FAM222B: variants seen among roughly 807,000 people sequenced by gnomAD.
FAM222B encodes family with sequence similarity 222 member B.
A neutral mutation model predicts 38.0 loss-of-function variants in FAM222B; 12 were observed. That is an observed-to-expected ratio of 0.32 (90% CI 0.20 to 0.51). The LOEUF (loss-of-function observed/expected upper bound fraction) is 0.51, where lower values mean the gene tolerates loss of function less well. FAM222B is among the 20% of genes least tolerant of loss of function. FAM222B has a pLI of 0.97. For synonymous variants in FAM222B, 329 were observed against 317.2 expected (o/e 1.04, Z -0.40); for missense variants, 716 against 754.2 (o/e 0.95, Z 0.59).
chr17:28,846,323 T>G (rs371222027), upstream of FAM222B, among the ~76,000 whole-genome samples: 3 of 151,318 alleles, frequency 2.0e-5, no homozygotes, highest in African/African-American at 7.3e-5. Context: ...GAGCCTAGAC[T>G]ACACTACACC....
At chr17:28,851,117 T>TCAAAA (rs927515246) in intron 1 of FAM222B, among the ~76,000 whole-genome samples, 16 of 149,716 alleles carry the variant, frequency 1.1e-4, no homozygotes, top group Admixed American at 4.7e-4. Flanking sequence ...AGACTCCATC[T>TCAAAA]CAAAACAAAA....
At position 28,758,905 on chromosome 17, in the gene FAM222B, C is replaced by T. The variant is rs752194762; in HGVS notation, c.1054G>A (p.Val352Ile). Reference sequence around the variant, plus strand: ...AGGTCGCTAGGGTAGCCAGTGGGGACGCGAGAGATGCCTGTGGGCAGGTTG... The same window carrying T: ...AGGTCGCTAGGGTAGCCAGTGGGGATGCGAGAGATGCCTGTGGGCAGGTTG... The part of the protein sequence containing the change: ...PVNLPTGISR[V>I]PTGYPSDLKP... The change falls in exon 3 of 3, where the codon GTC becomes ATC. Residue 352 changes from valine (V) to isoleucine (I), a missense_variant. Transcript: ENST00000581407. 26 of 1,608,996 alleles carry T rather than the reference C, an allele frequency of 1.6e-5. No homozygotes were observed. The highest frequency in any genetic ancestry group is 8.9e-5 in the East Asian group (4 of 44,718).
At chr17:28,809,368 A>G (rs891742620) in intron 1 of FAM222B, among the ~76,000 whole-genome samples, 32 of 151,326 alleles carry the variant, frequency 2.1e-4, no homozygotes, top group Middle Eastern at 3.4e-3. Context: ...AAAAAAAAAA[A>G]AGAGAGAGAG....
intron 1 of FAM222B, among the ~76,000 whole-genome samples, chr17:28,792,615 T>C (rs1278720260): frequency 3.3e-5 from 5 of 151,534 alleles, no homozygotes; most frequent in Admixed American, 3.3e-4. Context: ...ACCCCATCTC[T>C]ACGAAAAATA....
rs74544429 is a variant in FAM222B, at chr17:28,774,528, T to A, written c.-40-7821A>T. ...GGGCACCTGCACAAGTGCTAGCATT[T>A]CCCAGACTACCTCTAATTAAGGAAC... is the stretch of plus-strand genomic sequence containing the variant. On this transcript the variant is annotated intron_variant, in intron 1 of 2. Coordinates refer to ENST00000581407, the MANE Select transcript of FAM222B (RefSeq NM_001077498.3). 2.0e-5 allele frequency among the ~76,000 whole-genome samples: 3 copies of A among 152,172 alleles called. No individual in the cohort carries two copies. In the East Asian group the frequency reaches 5.8e-4, roughly 29 times the overall value.
At chr17:28,779,675 C>G (rs1254594861) in intron 1 of FAM222B, among the ~76,000 whole-genome samples, 1 of 151,836 alleles carries the variant, frequency 6.6e-6, no homozygotes, top group Non-Finnish European at 1.5e-5. Context: ...GGCGTGAACC[C>G]CGGAGGCGGA....
chr17:28,789,813 C>A (rs562750924), intron 1 of FAM222B, among the ~76,000 whole-genome samples: 1 of 152,270 alleles, frequency 6.6e-6, no homozygotes, highest in South Asian at 2.1e-4. Flanking sequence ...CAAAGAATAA[C>A]AGTGAAATAT....
In FAM222B at chr17:28,758,804, G is replaced by A; in HGVS notation, c.1155C>T (p.Ala385=). The change falls in exon 3 of 3, where the codon GCC becomes GCT. Residue 385 remains alanine (A), a synonymous_variant. Transcript: ENST00000581407. ...CCGCATGCTTGCCTGTCAGGCCAGG[G>A]GCTGGCGTCCCACTAGCCTCGCTGC... ...QMCSEASGTP[A]PGLTGKHAAG... 1 of 1,580,200 alleles carries A rather than the reference G, an allele frequency of 6.3e-7. No homozygotes were observed. Among genetic ancestry groups the A allele is most frequent in the Non-Finnish European group, 8.6e-7 (1 of 1,162,322 alleles).
intron 1 of FAM222B, among the ~76,000 whole-genome samples, chr17:28,782,467 T>TAA (rs1166900608): frequency 3.9e-5 from 6 of 152,206 alleles, no homozygotes; most frequent in African/African-American, 1.2e-4. Flanking sequence ...GGAATCTAAA[T>TAA]AACTCCCAAA....
intron 1 of FAM222B, among the ~76,000 whole-genome samples, chr17:28,781,413 G>A (rs942474631): frequency 1.3e-5 from 2 of 151,906 alleles, no homozygotes; most frequent in Non-Finnish European, 2.9e-5. Flanking sequence ...TGGAGAAAAG[G>A]AACCTTTGTA....
chr17:28,848,121 G>T (rs891183719), intron 1 of FAM222B, among the ~76,000 whole-genome samples: 3 of 152,022 alleles, frequency 2.0e-5, no homozygotes, highest in African/African-American at 7.2e-5. Context: ...GCGAATAAAT[G>T]ACATCTTTCT....
chr17:28,847,265 C>G (rs2039151499), upstream of FAM222B, among the ~76,000 whole-genome samples: 1 of 151,772 alleles, frequency 6.6e-6, no homozygotes, highest in South Asian at 2.1e-4. Context: ...TTCCGTGACC[C>G]CAAGTTACAA....
At chr17:28,799,532 A>T (rs1249374124) in intron 1 of FAM222B, among the ~76,000 whole-genome samples, 1 of 150,560 alleles carries the variant, frequency 6.6e-6, no homozygotes, top group Non-Finnish European at 1.5e-5. Context: ...GATGGTCTCG[A>T]TCTCCTGACC....
chr17:28,801,389 G>A (rs1567856822), intron 1 of FAM222B, among the ~76,000 whole-genome samples: 3 of 150,848 alleles, frequency 2.0e-5, no homozygotes, highest in African/African-American at 7.3e-5. Flanking sequence ...GGGGGGCGGA[G>A]GCTGCAGTGA....
rs1462328141 is a variant in FAM222B at position 28,776,670 on chromosome 17, GCTGCTGAACTC to G, written c.-40-9974_-40-9964del. ...GGGGTCTCACTTTGTTGCCCAGGCT[GCTGCTGAACTC>G]CTGCTGAAGCAATCTTCTGGCCTCA... On this transcript the variant is annotated intron_variant, in intron 1 of 2. Coordinates refer to ENST00000581407, the MANE Select transcript of FAM222B (RefSeq NM_001077498.3). Among the ~76,000 whole-genome samples, 4 of 151,794 alleles carry G rather than the reference GCTGCTGAACTC, an allele frequency of 2.6e-5. No individual in the cohort carries two copies. The East Asian group carries it at 7.8e-4, about 30-fold the overall frequency.
intron 1 of FAM222B, among the ~76,000 whole-genome samples, chr17:28,788,379 T>C (rs1159599147): frequency 1.3e-5 from 2 of 152,042 alleles, no homozygotes; most frequent in East Asian, 1.9e-4. Context: ...GCTGGGATTA[T>C]AGGTGCACAC....
chr17:28,793,057 CA>C (rs1196788984), intron 1 of FAM222B, among the ~76,000 whole-genome samples: 4 of 151,996 alleles, frequency 2.6e-5, no homozygotes, highest in Non-Finnish European at 4.4e-5. Flanking sequence ...CCAACACCCC[CA>C]CCCAACAGTT....
chr17:28,774,146 C>CTT (rs11434048), intron 1 of FAM222B, among the ~76,000 whole-genome samples: 60 of 142,454 alleles, frequency 4.2e-4, no homozygotes, highest in East Asian at 2.2e-3. Flanking sequence ...CTTTTGTTTT[C>CTT]TTTTTTTTTT....
At chr17:28,776,796 T>C (rs1274009808) in intron 1 of FAM222B, among the ~76,000 whole-genome samples, 1 of 152,082 alleles carries the variant, frequency 6.6e-6, no homozygotes, top group Non-Finnish European at 1.5e-5. Context: ...AGTTTTATCC[T>C]ACACTGCTCC....
Sources: allele counts gnomAD v4.1 joint callset (sites outside exome capture counted in the v4.1 genomes callset), GRCh38; gene constraint gnomAD v4.1.1; transcripts MANE v1.5; gene names NCBI Gene and HGNC (gene_info 2026-07-23, HGNC 2026-07-21).